Variants in GRM8 observed in about 807,000 individuals in gnomAD.
GRM8 encodes the protein glutamate metabotropic receptor 8.
Under a neutral mutation model 87.2 loss-of-function variants are expected in GRM8, and 47 were observed. The observed-to-expected ratio is 0.54, with a 90% CI of 0.43 to 0.69. The LOEUF is 0.69. Ranked by LOEUF, GRM8 falls within the 30% of genes least tolerant of loss-of-function variation. GRM8 has a pLI of 0.00. For synonymous variants in GRM8, 396 were observed against 404.5 expected, an observed-to-expected ratio of 0.98 and a Z score of 0.25; for missense variants, 1,019 against 1,139.2, an observed-to-expected ratio of 0.89 and a Z score of 1.52.
chr7:126,773,489 A>C (rs1209931583), intron 6 of GRM8, among the ~76,000 whole-genome samples: 1 of 152,182 alleles, frequency 6.6e-6, no homozygotes, highest in Non-Finnish European at 1.5e-5. Context: ...ACTCTATCCT[A>C]AAATGTTCTT....
chr7:126,731,273 A>G (rs1032971814), intron 7 of GRM8, among the ~76,000 whole-genome samples: 5 of 152,070 alleles, frequency 3.3e-5, no homozygotes, highest in Non-Finnish European at 7.4e-5. Flanking sequence ...TGAGAGAACC[A>G]CTCAATATCC....
chr7:126,685,118 C>T lies in GRM8; in HGVS notation c.1358-75620G>A, dbSNP rs914756154. Among the ~76,000 whole-genome samples, 3 of 152,184 alleles carry T rather than the reference C, an allele frequency of 2.0e-5. No homozygotes were observed. Among genetic ancestry groups the T allele is most frequent in the African/African-American group, 7.2e-5 (3 of 41,460 alleles). ...CAGCCGGGCAGTACCCACTCCAGGC[C>T]CCGGCCCCGCTTGCCACTCTTGACA... is the stretch of plus-strand genomic sequence containing the variant. On this transcript the variant is annotated intron_variant, in intron 7 of 10. Transcript: ENST00000339582. The surrounding 1 kb of genome is among the most constrained non-coding windows in gnomAD (Gnocchi z 4.2).
At chr7:127,141,773 C>A (rs1182505675) in intron 2 of GRM8, among the ~76,000 whole-genome samples, 1 of 152,150 alleles carries the variant, frequency 6.6e-6, no homozygotes, top group African/African-American at 2.4e-5. Flanking sequence ...AACTTTATAA[C>A]AGGTTACTGT....
Position 127,242,998 on chromosome 7 carries a change from C to T in GRM8, c.207G>A (p.Lys69=). The T allele has an allele frequency of 6.2e-7, 1 of 1,614,072 alleles. No individual in the cohort carries two copies. Among genetic ancestry groups the T allele is most frequent in the Non-Finnish European group, 8.5e-7 (1 of 1,179,994 alleles). The part of the protein sequence containing the change: ...ERGVPCGELK[K]EKGIHRLEAM... The stretch of plus-strand genomic sequence containing the variant: ...CCTCCAGTCTGTGAATCCCCTTTTC[C>T]TTCTTCAGCTCCCCACAAGGCACCC... Residue 69 remains lysine, a synonymous_variant, in exon 2 of 11, where the codon AAG becomes AAA. Transcript: ENST00000339582.
At chr7:126,562,224 A>G (rs1186841958) in intron 8 of GRM8, among the ~76,000 whole-genome samples, 1 of 152,170 alleles carries the variant, frequency 6.6e-6, no homozygotes. Flanking sequence ...TTGCTGTCCA[A>G]AGCTTTATGT....
intron 7 of GRM8, among the ~76,000 whole-genome samples, chr7:126,709,223 G>T (rs1166788092): frequency 6.6e-6 from 1 of 152,048 alleles, no homozygotes; most frequent in Non-Finnish European, 1.5e-5. Context: ...AATTAAAACT[G>T]CAATGAAATA....
chr7:126,800,915 AAT>A, intron 6 of GRM8, among the ~76,000 whole-genome samples: 1 of 152,122 alleles, frequency 6.6e-6, no homozygotes, highest in Non-Finnish European at 1.5e-5. Context: ...AAAGCAAATA[AAT>A]ATCTTGAATA....
intron 7 of GRM8, among the ~76,000 whole-genome samples, chr7:126,641,432 C>A (rs916080100): frequency 6.6e-6 from 1 of 152,108 alleles, no homozygotes; most frequent in African/African-American, 2.4e-5. Flanking sequence ...AAGAAAGACA[C>A]AAATACTATT....
chr7:126,461,171 C>T (rs1383372624), intron 9 of GRM8, among the ~76,000 whole-genome samples: 2 of 151,462 alleles, frequency 1.3e-5, no homozygotes, highest in African/African-American at 4.8e-5. Context: ...CTTACTGAAG[C>T]CCTGTGTTCT....
At chr7:126,478,640 A>C (rs1275347656) in intron 9 of GRM8, among the ~76,000 whole-genome samples, 1 of 152,144 alleles carries the variant, frequency 6.6e-6, no homozygotes, top group Non-Finnish European at 1.5e-5. Flanking sequence ...TTGTCTTCAA[A>C]GTAGCCAAAT....
intron 7 of GRM8, among the ~76,000 whole-genome samples, chr7:126,665,722 T>C (rs1563073285): frequency 6.6e-6 from 1 of 152,038 alleles, no homozygotes; most frequent in South Asian, 2.1e-4. Flanking sequence ...AAACATGCAC[T>C]TGTACTCCCT....
In GRM8 at chr7:126,807,436, C is replaced by T. The variant is rs953106078; in HGVS notation, c.1157-37371G>A. On this transcript the variant is annotated intron_variant, in intron 6 of 10. Transcript: ENST00000339582. ...TGAAATTCTGATTTCTTCACTAAAA[C>T]TTCTTCACTAAAAGATGCTTTGGTC... 3.9e-5 allele frequency among the ~76,000 whole-genome samples: 6 copies of T among 152,182 alleles called. No individual in the cohort carries two copies. In the East Asian group the frequency reaches 5.8e-4, roughly 15 times the overall value.
intron 6 of GRM8, among the ~76,000 whole-genome samples, chr7:126,784,665 C>A (rs1820444412): frequency 1.3e-5 from 2 of 152,148 alleles, no homozygotes; most frequent in Non-Finnish European, 2.9e-5. Flanking sequence ...TATGAGCCTA[C>A]CACCATGCTA....
chr7:127,228,727 T>C (rs1797498537), intron 2 of GRM8: 1 of 152,232 alleles, frequency 6.6e-6, no homozygotes, highest in Non-Finnish European at 1.5e-5. Context: ...TATCCATGAA[T>C]CATAGGGTAT....
intron 3 of GRM8, among the ~76,000 whole-genome samples, chr7:126,994,761 T>C (rs77949446): frequency 1.3e-5 from 2 of 152,136 alleles, no homozygotes; most frequent in Non-Finnish European, 1.5e-5. Context: ...GTTTTTTTTT[T>C]AATTCTAATC....
intron 10 of GRM8, 183 bp downstream of exon 10, chr7:126,445,943 C>T: frequency 1.5e-6 from 1 of 664,138 alleles, no homozygotes; most frequent in Middle Eastern, 3.7e-4. Flanking sequence ...TGTAGAACAG[C>T]CGCTCATCTT....
At chr7:126,727,438 A>G (rs1414405394) in intron 7 of GRM8, among the ~76,000 whole-genome samples, 1 of 152,118 alleles carries the variant, frequency 6.6e-6, no homozygotes, top group African/African-American at 2.4e-5. Flanking sequence ...ACCTATGCTT[A>G]ATGAATTGGT....
chr7:126,850,911 T>C (rs1797151879), intron 6 of GRM8, among the ~76,000 whole-genome samples: 1 of 152,144 alleles, frequency 6.6e-6, no homozygotes, highest in South Asian at 2.1e-4. Context: ...GTTGCTTTTG[T>C]CTAATCTCAT....
intron 3 of GRM8, among the ~76,000 whole-genome samples, chr7:126,928,225 G>A (rs1391397273): frequency 1.5e-5 from 2 of 131,288 alleles, no homozygotes; most frequent in Non-Finnish European, 3.2e-5. Context: ...TTGGGGGGTG[G>A]GGGGTGGGGG....
Sources: allele counts gnomAD v4.1 joint callset (sites outside exome capture counted in the v4.1 genomes callset), GRCh38; gene constraint gnomAD v4.1.1; non-coding constraint Gnocchi (gnomAD v3.1); transcripts MANE v1.5; gene names NCBI Gene and HGNC (gene_info 2026-07-23, HGNC 2026-07-21).